Variants in EML6 observed in about 807,000 individuals in gnomAD.
EML6 encodes the protein EMAP like 6, also known as echinoderm microtubule-associated protein-like 6.
In EML6, 154 loss-of-function variants were observed where a neutral mutation model predicts 240.1. That is an observed-to-expected ratio of 0.64 (90% CI 0.56 to 0.73). EML6 has a LOEUF of 0.73. EML6 is among the 30% of genes least tolerant of loss of function. The pLI, the probability that EML6 is intolerant of heterozygous loss-of-function variation, is 0.00. For missense variants in EML6, 2,964 were observed against 2,474.6 expected (o/e 1.20, Z -4.20); for synonymous variants, 1,148 against 899.0 (o/e 1.28, Z -4.95).
chr2:54,868,954 T>C (rs1671110879), intron 14 of EML6: 1 of 457,884 alleles, frequency 2.2e-6, no homozygotes, highest in Non-Finnish European at 3.9e-6. Context: ...GCTGAGGATC[T>C]GCTAACAGAT....
intron 28 of EML6, among the ~76,000 whole-genome samples, chr2:54,948,325 C>T (rs1031677946): frequency 5.9e-5 from 9 of 152,106 alleles, no homozygotes; most frequent in African/African-American, 2.2e-4. Context: ...CTGTCTGTCT[C>T]CTGTCCCTCT....
At chr2:54,730,973 T>C (rs1441286302) in intron 2 of EML6, among the ~76,000 whole-genome samples, 1 of 152,138 alleles carries the variant, frequency 6.6e-6, no homozygotes, top group East Asian at 1.9e-4. Flanking sequence ...TGATAAGTGC[T>C]AAGAAGAAAA....
intron 26 of EML6, among the ~76,000 whole-genome samples, chr2:54,920,997 A>G (rs1025526895): frequency 6.6e-6 from 1 of 152,096 alleles, no homozygotes; most frequent in Non-Finnish European, 1.5e-5. Flanking sequence ...ATATAGAAGG[A>G]AGGAACTTCA....
At chr2:54,765,374 A>G (rs1434223616) in intron 2 of EML6, among the ~76,000 whole-genome samples, 1 of 152,172 alleles carries the variant, frequency 6.6e-6, no homozygotes, top group Admixed American at 6.5e-5. Flanking sequence ...ATTTAATTAT[A>G]TATCTCCTCT....
intron 21 of EML6, 33 bp from the exon 22 acceptor site, chr2:54,899,608 A>G: frequency 6.5e-7 from 1 of 1,548,278 alleles, no homozygotes; most frequent in Non-Finnish European, 8.7e-7. Flanking sequence ...CAGCATAAGT[A>G]GAGTTTATGT....
intron 11 of EML6, 78 bp from the exon 12 acceptor site, chr2:54,859,456 T>G: frequency 1.8e-6 from 2 of 1,129,632 alleles, no homozygotes; most frequent in East Asian, 2.6e-5. Flanking sequence ...CTCTTCAACA[T>G]GAACAGAAGG....
chr2:54,763,054 T>G (rs1190103280), intron 2 of EML6, among the ~76,000 whole-genome samples: 4 of 152,318 alleles, frequency 2.6e-5, no homozygotes, highest in African/African-American at 9.6e-5. Flanking sequence ...TTTCTCCCAT[T>G]TATTATTTAT....
rs113101367 is a variant in EML6, at chr2:54,923,367, GCACACACACACA to G, written c.3676-4919_3676-4908del. Reference sequence around the variant, plus strand: ...TAGATCCTAAGTGTCCTCACCAAACGCACACACACACACACACACACACACACACACACACAC... The same window carrying G: ...TAGATCCTAAGTGTCCTCACCAAACGCACACACACACACACACACACACAC... On this transcript the variant is annotated intron_variant, in intron 26 of 41. Coordinates refer to ENST00000356458, the MANE Select transcript of EML6 (RefSeq NM_001039753.4). Among the ~76,000 whole-genome samples the G allele has an allele frequency of 2.4e-4, 35 of 144,464 alleles. No homozygotes were observed. In the East Asian group the frequency reaches 3.8e-3, roughly 16 times the overall value. 94.8% of individuals were successfully genotyped at this position (144,464 alleles called of 152,430 possible). A position where few individuals can be genotyped will look rare whatever the true frequency, so the allele number is the denominator to read the frequency against.
At chr2:54,837,337 C>T (rs1017948136) in intron 7 of EML6, among the ~76,000 whole-genome samples, 4 of 152,150 alleles carry the variant, frequency 2.6e-5, no homozygotes, top group African/African-American at 9.7e-5. Flanking sequence ...TGACTTGAGG[C>T]AAGTAATACA....
chr2:54,906,175 C>A (rs1396531990), intron 24 of EML6, among the ~76,000 whole-genome samples: 1 of 152,226 alleles, frequency 6.6e-6, no homozygotes, highest in Non-Finnish European at 1.5e-5. Context: ...CTCTCCACAT[C>A]TTTGCCAAAG....
intron 2 of EML6, among the ~76,000 whole-genome samples, chr2:54,779,802 C>T (rs1668766241): frequency 7.0e-6 from 1 of 142,680 alleles, no homozygotes; most frequent in South Asian, 2.2e-4. Flanking sequence ...GTGAAGGTTG[C>T]AGTGAGCCAA....
chr2:54,875,141 C>G lies in EML6; in HGVS notation c.2344+3536C>G, dbSNP rs568165596. On this transcript the variant is annotated intron_variant, in intron 16 of 41. Transcript: ENST00000356458. ...GTCCATCTGCCCTTCCCACCCTCCA[C>G]TGTAACTGTGGAGTGGACATGGTAG... 1.2e-4 allele frequency among the ~76,000 whole-genome samples: 18 copies of G among 152,302 alleles called. No individual in the cohort carries two copies. In the South Asian group the frequency reaches 3.3e-3, roughly 28 times the overall value.
At chr2:54,955,176 C>G (rs529132132) in intron 32 of EML6, among the ~76,000 whole-genome samples, 1 of 152,340 alleles carries the variant, frequency 6.6e-6, no homozygotes, top group South Asian at 2.1e-4. Context: ...ATATCTCACC[C>G]AGATGGCTGC....
At chr2:54,922,985 A>G (rs1412626066) in intron 26 of EML6, among the ~76,000 whole-genome samples, 2 of 119,036 alleles carry the variant, frequency 1.7e-5, no homozygotes, top group African/African-American at 6.8e-5. Flanking sequence ...CTTGTTGCCC[A>G]GGCTGGAGTG....
intron 26 of EML6, among the ~76,000 whole-genome samples, chr2:54,925,658 C>A (rs568018629): frequency 6.6e-6 from 1 of 152,238 alleles, no homozygotes; most frequent in South Asian, 2.1e-4. Flanking sequence ...TCATTAGTGC[C>A]CTGACAGCCA....
intron 26 of EML6, 40 bp downstream of exon 26, chr2:54,916,975 C>T (rs1324401934): frequency 2.1e-6 from 3 of 1,414,138 alleles, no homozygotes; most frequent in East Asian, 2.5e-5. Context: ...GCTCAGTCTC[C>T]TTAATAACCT....
chr2:54,928,546 G>A lies in EML6; in HGVS notation c.3877+32G>A, dbSNP rs368192263. The A allele has an allele frequency of 7.7e-5, 119 of 1,548,164 alleles. 1 individual carries two copies. The highest frequency in any genetic ancestry group is 1.2e-4 in the South Asian group (10 of 83,846). On this transcript the variant is annotated intron_variant, in intron 27 of 41. Transcript: ENST00000356458. ...CCCCCACCTGCCACATGCCTCCTGC[G>A]CCGAATGCACCTCCCAACACCTCCC...
chr2:54,954,228 C>T, intron 32 of EML6, 72 bp downstream of exon 32: 1 of 1,378,822 alleles, frequency 7.3e-7, no homozygotes. Flanking sequence ...GGCTCGAACC[C>T]AGATCTGCCT....
At chr2:54,941,039 A>T (rs369902565) in intron 28 of EML6, among the ~76,000 whole-genome samples, 1 of 152,242 alleles carries the variant, frequency 6.6e-6, no homozygotes, top group African/African-American at 2.4e-5. Flanking sequence ...ACCGTATATA[A>T]GTAATCCCAG....
Sources: allele counts gnomAD v4.1 joint callset (sites outside exome capture counted in the v4.1 genomes callset), GRCh38; gene constraint gnomAD v4.1.1; transcripts MANE v1.5; gene names NCBI Gene and HGNC (gene_info 2026-07-23, HGNC 2026-07-21).